The following PTPRT variants were observed in gnomAD, a reference collection of about 807,000 sequenced individuals.
PTPRT encodes the protein receptor-type tyrosine-protein phosphatase T.
In PTPRT, 56 loss-of-function variants were observed where a neutral mutation model predicts 176.8. The observed-to-expected ratio is 0.32, with a 90% CI of 0.26 to 0.40. The LOEUF (loss-of-function observed/expected upper bound fraction) is 0.40, where lower values mean the gene tolerates loss of function less well. Among genes scored for constraint, PTPRT ranks in the 10% least tolerant of loss-of-function variants. PTPRT has a pLI of 1.00. For missense variants in PTPRT, 1,540 were observed against 1,908.2 expected (o/e 0.81, Z 3.60); for synonymous variants, 783 against 739.0 (o/e 1.06, Z -0.96).
At chr20:43,001,486 A>T (rs201271719) in intron 1 of PTPRT, among the ~76,000 whole-genome samples, 1 of 151,880 alleles carries the variant, frequency 6.6e-6, no homozygotes, top group Non-Finnish European at 1.5e-5. Flanking sequence ...CAACAACAAA[A>T]AAAAAACAGA....
chr20:42,604,632 T>C (rs969198675), intron 7 of PTPRT, among the ~76,000 whole-genome samples: 2 of 152,108 alleles, frequency 1.3e-5, no homozygotes, highest in Admixed American at 6.5e-5. Flanking sequence ...CATGCACACA[T>C]CCACTAGGGA....
In PTPRT at chr20:42,077,555, G is replaced by T; in HGVS notation, c.*3324C>A. 4.6e-6 allele frequency: 1 copy of T among 218,446 alleles called. No homozygotes were observed. Among genetic ancestry groups the T allele is most frequent in the East Asian group, 6.7e-5 (1 of 14,984 alleles). The allele number at this position is 218,446 out of a possible 1,614,324, so 13.5% of individuals were successfully genotyped here. On this transcript the variant is annotated 3_prime_UTR_variant, in exon 31 of 31. Transcript: ENST00000373187. ...CCTGGGGGTGGTGGTGTTGGCTCCG[G>T]AGATTTCCTGGGTAAAGGAAAATGT...
intron 29 of PTPRT, among the ~76,000 whole-genome samples, chr20:42,083,136 A>AAAAAAAAAAAAAAG (rs146913637): frequency 3.1e-5 from 4 of 130,158 alleles, no homozygotes; most frequent in Admixed American, 8.0e-5. Flanking sequence ...AAAAAAAAAA[A>AAAAAAAAAAAAAAG]GCAGGCTAAA....
the PTPRT span, among the ~76,000 whole-genome samples, chr20:42,035,586 C>G: frequency 6.6e-6 from 1 of 152,158 alleles, no homozygotes; most frequent in Non-Finnish European, 1.5e-5. Flanking sequence ...AGTCCTGTCT[C>G]TGACACAGCC....
At chr20:43,041,196 A>G (rs758986346) in intron 1 of PTPRT, among the ~76,000 whole-genome samples, 15 of 152,244 alleles carry the variant, frequency 9.9e-5, no homozygotes, top group Non-Finnish European at 2.1e-4. Context: ...CTGCAGCTAG[A>G]ATGTGCCAGG....
At chr20:42,570,525 C>T (rs1208590789) in intron 7 of PTPRT, among the ~76,000 whole-genome samples, 6 of 152,138 alleles carry the variant, frequency 3.9e-5, no homozygotes, top group Non-Finnish European at 8.8e-5. Context: ...AGGTGAGAGG[C>T]TCATAATTAA....
intron 1 of PTPRT, among the ~76,000 whole-genome samples, chr20:42,977,165 A>G (rs1305378690): frequency 6.6e-6 from 1 of 152,198 alleles, no homozygotes; most frequent in Non-Finnish European, 1.5e-5. Context: ...CAGACAGATG[A>G]AAGGAGAGAA....
intron 27 of PTPRT, 38 bp from the exon 28 acceptor site, chr20:42,085,891 G>A (rs1190958064): frequency 6.4e-7 from 1 of 1,568,032 alleles, no homozygotes; most frequent in South Asian, 1.1e-5. Flanking sequence ...GAGCTCAAAG[G>A]CAGGGGGCGG....
At chr20:42,824,279 G>A (rs1025915825) in intron 2 of PTPRT, among the ~76,000 whole-genome samples, 5 of 152,066 alleles carry the variant, frequency 3.3e-5, no homozygotes, top group African/African-American at 1.2e-4. Context: ...AAGATCATTT[G>A]AAAGGAGACA....
intron 1 of PTPRT, among the ~76,000 whole-genome samples, chr20:43,166,284 G>T (rs2146451393): frequency 6.6e-6 from 1 of 151,010 alleles, no homozygotes; most frequent in South Asian, 2.1e-4. Context: ...TCGAGATTGT[G>T]CCACTGCACT....
At chr20:43,022,379 C>T (rs1194738437) in intron 1 of PTPRT, among the ~76,000 whole-genome samples, 1 of 152,182 alleles carries the variant, frequency 6.6e-6, no homozygotes, top group Non-Finnish European at 1.5e-5. Flanking sequence ...TATCCTTGCA[C>T]CATAGACACC....
At chr20:43,121,416 C>A (rs1169580373) in intron 1 of PTPRT, among the ~76,000 whole-genome samples, 1 of 152,192 alleles carries the variant, frequency 6.6e-6, no homozygotes, top group Non-Finnish European at 1.5e-5. Flanking sequence ...CTTATTAGAT[C>A]TGCCAAATTT....
intron 1 of PTPRT, among the ~76,000 whole-genome samples, chr20:42,892,588 T>C (rs959741660): frequency 6.6e-6 from 1 of 152,182 alleles, no homozygotes; most frequent in Admixed American, 6.5e-5. Flanking sequence ...GCTCATCATT[T>C]TGATGAACGT....
At chr20:42,148,703 A>G (rs960136487) in intron 17 of PTPRT, among the ~76,000 whole-genome samples, 3 of 152,208 alleles carry the variant, frequency 2.0e-5, no homozygotes, top group African/African-American at 4.8e-5. Context: ...GACCAACCAC[A>G]GGCAAGGCCG....
chr20:42,562,742 T>A (rs1258035218), intron 7 of PTPRT, among the ~76,000 whole-genome samples: 1 of 152,118 alleles, frequency 6.6e-6, no homozygotes, highest in Non-Finnish European at 1.5e-5. Context: ...ATCACCCTCA[T>A]CACTCAGCCC....
intron 1 of PTPRT, among the ~76,000 whole-genome samples, chr20:43,132,131 A>G (rs566202100): frequency 6.6e-6 from 1 of 152,248 alleles, no homozygotes; most frequent in South Asian, 2.1e-4. Context: ...CATTATCACC[A>G]TTGTTACTGA....
intron 6 of PTPRT, chr20:42,686,413 C>G (rs2075691935): frequency 7.3e-6 from 1 of 137,852 alleles, no homozygotes; most frequent in South Asian, 2.5e-4. Flanking sequence ...CTGGGTGGGA[C>G]TGAGCACCAG....
chr20:42,787,786 G>A (rs1011383078), intron 3 of PTPRT, among the ~76,000 whole-genome samples: 5 of 152,290 alleles, frequency 3.3e-5, no homozygotes, highest in South Asian at 2.1e-4. Flanking sequence ...GAACACAGCC[G>A]AATGGCCTGA....
At chr20:42,327,704 GA>G (rs1181141808) in intron 11 of PTPRT, among the ~76,000 whole-genome samples, 11 of 151,976 alleles carry the variant, frequency 7.2e-5, no homozygotes, top group African/African-American at 2.7e-4. Flanking sequence ...CTGTAGGTTT[GA>G]AATCAAAGAA....
Sources: allele counts gnomAD v4.1 joint callset (sites outside exome capture counted in the v4.1 genomes callset), GRCh38; gene constraint gnomAD v4.1.1; transcripts MANE v1.5; gene names NCBI Gene and HGNC (gene_info 2026-07-23, HGNC 2026-07-21).